The following ASPRV1 variants were observed in gnomAD, a reference collection of about 807,000 sequenced individuals.
ASPRV1 encodes retroviral-like aspartic protease 1.
Under a neutral mutation model 11.0 loss-of-function variants are expected in ASPRV1, and 7 were observed. The ratio of observed to expected loss-of-function variants is 0.64; its 90% CI spans 0.36 to 1.20. The LOEUF (loss-of-function observed/expected upper bound fraction) is 1.20. ASPRV1 is among the 50% of genes most tolerant of loss of function. ASPRV1 has a pLI of 0.02. For synonymous variants in ASPRV1, 136 were observed against 138.4 expected, an observed-to-expected ratio of 0.98 and a Z score of 0.12; for missense variants, 299 against 320.0, an observed-to-expected ratio of 0.93 and a Z score of 0.50.
the ASPRV1 span, among the ~76,000 whole-genome samples, chr2:69,984,858 CTTT>C: frequency 8.3e-6 from 1 of 120,804 alleles, no homozygotes; most frequent in Admixed American, 8.5e-5. Flanking sequence ...TCAGGGCCAG[CTTT>C]TTTTTTTTTT....
the ASPRV1 span, among the ~76,000 whole-genome samples, chr2:69,945,363 A>C: frequency 6.6e-6 from 1 of 152,258 alleles, no homozygotes; most frequent in South Asian, 2.1e-4. Flanking sequence ...CCAGTGGCCA[A>C]GGGTCCCACA....
the ASPRV1 span, among the ~76,000 whole-genome samples, chr2:69,972,297 G>A: frequency 3.3e-5 from 5 of 151,394 alleles, no homozygotes; most frequent in East Asian, 5.8e-4. Context: ...TCTTGACCTC[G>A]TGATCCTCCT....
chr2:70,053,154 G>A, the ASPRV1 span, among the ~76,000 whole-genome samples: 2 of 152,140 alleles, frequency 1.3e-5, no homozygotes, highest in African/African-American at 2.4e-5. Flanking sequence ...AAGTCCCTAC[G>A]AAGGAAAGCT....
At chr2:70,008,816 A>C in the ASPRV1 span, among the ~76,000 whole-genome samples, 1 of 152,004 alleles carries the variant, frequency 6.6e-6, no homozygotes, top group Non-Finnish European at 1.5e-5. Flanking sequence ...CCTGGGGAGG[A>C]CAGGGCTAAA....
the ASPRV1 span, among the ~76,000 whole-genome samples, chr2:70,076,015 C>T: frequency 2.0e-5 from 3 of 152,166 alleles, no homozygotes; most frequent in Non-Finnish European, 2.9e-5. Flanking sequence ...CTCCATTTCC[C>T]GGTCCAGGGA....
chr2:70,001,950 G>A, the ASPRV1 span, among the ~76,000 whole-genome samples: 1 of 152,070 alleles, frequency 6.6e-6, no homozygotes, highest in Admixed American at 6.6e-5. Flanking sequence ...GTATTGCTAA[G>A]TATAAAAAGC....
chr2:69,952,566 A>C, the ASPRV1 span, among the ~76,000 whole-genome samples: 7 of 152,002 alleles, frequency 4.6e-5, no homozygotes. Context: ...AGAAAAGAAA[A>C]GAAAAAAGAA....
At chr2:70,082,941 T>A in the ASPRV1 span, among the ~76,000 whole-genome samples, 2 of 151,988 alleles carry the variant, frequency 1.3e-5, no homozygotes, top group Non-Finnish European at 2.9e-5. Flanking sequence ...AACCATAGTA[T>A]GCTTGCTGAA....
At chr2:70,059,764 T>C in the ASPRV1 span, 1 of 153,696 alleles carries the variant, frequency 6.5e-6, no homozygotes, top group Non-Finnish European at 1.4e-5. Context: ...ATCCCTCACT[T>C]GCTCAGTTCA....
chr2:70,032,758 C>T, the ASPRV1 span, among the ~76,000 whole-genome samples: 1 of 152,150 alleles, frequency 6.6e-6, no homozygotes, highest in Admixed American at 6.6e-5. Flanking sequence ...ATGATATATC[C>T]TACTCAGCAA....
the ASPRV1 span, among the ~76,000 whole-genome samples, chr2:70,074,375 G>A: frequency 6.7e-6 from 1 of 149,738 alleles, no homozygotes; most frequent in South Asian, 2.1e-4. Context: ...TGCAACCTCT[G>A]CCTCCTGGGT....
the ASPRV1 span, among the ~76,000 whole-genome samples, chr2:70,006,448 G>C: frequency 6.6e-6 from 1 of 152,168 alleles, no homozygotes; most frequent in Non-Finnish European, 1.5e-5. Flanking sequence ...AAGAAAATGG[G>C]ATCTAGGTGG....
the ASPRV1 span, among the ~76,000 whole-genome samples, chr2:70,008,597 T>C: frequency 3.9e-5 from 6 of 152,066 alleles, no homozygotes; most frequent in Admixed American, 6.5e-5. Flanking sequence ...CCAATGCAAA[T>C]TTGTAAACTT....
At position 69,960,674 on chromosome 2, in the gene ASPRV1, G is replaced by A. The variant is rs1191908780; in HGVS notation, c.763C>T (p.Gln255Ter). The A allele has an allele frequency of 1.2e-6, 2 of 1,612,626 alleles. No individual in the cohort carries two copies. The highest frequency in any genetic ancestry group is 2.2e-5 in the South Asian group (2 of 91,066). The change falls in exon 1 of 1, where the codon CAG (glutamine) becomes TAG (stop). Residue 255 changes from glutamine to a stop codon, truncating the protein, a stop_gained. Transcript: ENST00000320256. LOFTEE classifies it high-confidence loss of function. ...EEDPSSEEGR[Q>*]ELSH is the part of the protein sequence containing the mutation. Reference sequence around the variant, plus strand: ...GTGGCTTCTCAGTGGGATAGCTCCTGCCGCCCTTCTTCTGAGGAGGGGTCC... The same window carrying A: ...GTGGCTTCTCAGTGGGATAGCTCCTACCGCCCTTCTTCTGAGGAGGGGTCC...
chr2:69,993,219 C>G, the ASPRV1 span, among the ~76,000 whole-genome samples: 1 of 152,192 alleles, frequency 6.6e-6, no homozygotes, highest in African/African-American at 2.4e-5. Context: ...CCACACCTGC[C>G]TACCCCTCCG....
chr2:70,008,637 G>GTT, the ASPRV1 span, among the ~76,000 whole-genome samples: 1 of 143,238 alleles, frequency 7.0e-6, no homozygotes, highest in Non-Finnish European at 1.5e-5. Flanking sequence ...GTTTTTGTGT[G>GTT]TTTTTTTTTT....
At chr2:69,979,521 G>C in the ASPRV1 span, among the ~76,000 whole-genome samples, 7 of 152,328 alleles carry the variant, frequency 4.6e-5, no homozygotes, top group African/African-American at 1.7e-4. Flanking sequence ...CCCTCTGGGA[G>C]GGGCAGGACA....
the ASPRV1 span, chr2:69,968,265 G>C: frequency 2.6e-5 from 4 of 152,128 alleles, no homozygotes; most frequent in African/African-American, 9.7e-5. Context: ...AGGCATGGTG[G>C]CTCACACTTG....
chr2:70,072,761 A>G, the ASPRV1 span, among the ~76,000 whole-genome samples: 1 of 151,716 alleles, frequency 6.6e-6, no homozygotes, highest in Non-Finnish European at 1.5e-5. Flanking sequence ...AACAAAAATA[A>G]TAATTTTTTG....
Sources: allele counts gnomAD v4.1 joint callset (sites outside exome capture counted in the v4.1 genomes callset), GRCh38; gene constraint gnomAD v4.1.1; transcripts MANE v1.5; gene names NCBI Gene and HGNC (gene_info 2026-07-23, HGNC 2026-07-21).